Variants in RBFOX1 observed in about 807,000 individuals in gnomAD.
RBFOX1 encodes the protein RNA binding fox-1 homolog 1, also known as RNA binding protein fox-1 homolog 1.
A neutral mutation model predicts 57.7 loss-of-function variants in RBFOX1; 8 were observed. The ratio of observed to expected loss-of-function variants is 0.14; its 90% CI spans 0.08 to 0.25. The LOEUF is 0.25. Ranked by LOEUF, RBFOX1 falls within the 10% of genes least tolerant of loss-of-function variation. RBFOX1 has a pLI of 1.00. For synonymous variants in RBFOX1, 326 were observed against 222.4 expected (o/e 1.47, Z -4.15); for missense variants, 611 against 548.5 (o/e 1.11, Z -1.14).
chr16:6,853,528 T>C (rs1295016445), intron 3 of RBFOX1, among the ~76,000 whole-genome samples: 1 of 151,964 alleles, frequency 6.6e-6, no homozygotes, highest in Admixed American at 6.6e-5. Context: ...ACTCTGACAG[T>C]GGTAGATGCT....
chr16:7,027,474 C>A (rs989744100), intron 3 of RBFOX1, among the ~76,000 whole-genome samples: 1 of 151,858 alleles, frequency 6.6e-6, no homozygotes, highest in African/African-American at 2.4e-5. Context: ...AGGTAACTTG[C>A]CCAAGGTCAG....
intron 2 of RBFOX1, among the ~76,000 whole-genome samples, chr16:6,581,136 C>T (rs749944642): frequency 4.6e-5 from 7 of 152,220 alleles, no homozygotes; most frequent in East Asian, 1.9e-4. Context: ...GGTAGGTCCA[C>T]GTGGGACAAC....
intron 1 of RBFOX1, among the ~76,000 whole-genome samples, chr16:5,440,682 A>G (rs977101826): frequency 2.0e-5 from 3 of 152,156 alleles, no homozygotes; most frequent in African/African-American, 7.2e-5. Flanking sequence ...CCACATGACA[A>G]ATGAATCCCC....
At chr16:6,516,524 C>G (rs929934159) in intron 2 of RBFOX1, among the ~76,000 whole-genome samples, 5 of 152,166 alleles carry the variant, frequency 3.3e-5, no homozygotes, top group Non-Finnish European at 1.5e-5. Context: ...AAAAACTCCT[C>G]AAACATAAGG....
intron 2 of RBFOX1, among the ~76,000 whole-genome samples, chr16:6,334,655 A>G (rs766119364): frequency 6.6e-6 from 1 of 152,170 alleles, no homozygotes; most frequent in Non-Finnish European, 1.5e-5. Flanking sequence ...TGAGTGAAAT[A>G]AGACAGAGGA....
chr16:6,804,789 C>T (rs1281367472), intron 3 of RBFOX1, among the ~76,000 whole-genome samples: 2 of 152,118 alleles, frequency 1.3e-5, no homozygotes, highest in African/African-American at 2.4e-5. Context: ...TACTCTATTG[C>T]CAAGTATGTG....
chr16:6,718,474 AC>A (rs1299853121), intron 3 of RBFOX1, among the ~76,000 whole-genome samples: 1 of 151,452 alleles, frequency 6.6e-6, no homozygotes, highest in African/African-American at 2.5e-5. Context: ...ATAGGTGTTC[AC>A]GGTTGGACAG....
intron 3 of RBFOX1, among the ~76,000 whole-genome samples, chr16:6,757,033 C>G (rs568749586): frequency 5.6e-5 from 1 of 17,716 alleles, no homozygotes; most frequent in Admixed American, 1.2e-3. Context: ...AAATGGCCAA[C>G]AGGTATAAAA....
intron 4 of RBFOX1, among the ~76,000 whole-genome samples, chr16:7,488,780 C>G (rs1330215948): frequency 6.6e-6 from 1 of 152,176 alleles, no homozygotes; most frequent in East Asian, 1.9e-4. Context: ...ATGTATACAT[C>G]TATCTATACA....
intron 3 of RBFOX1, among the ~76,000 whole-genome samples, chr16:6,960,006 C>A (rs1311533845): frequency 6.6e-6 from 1 of 152,080 alleles, no homozygotes; most frequent in South Asian, 2.1e-4. Flanking sequence ...GTAACAAAAA[C>A]CCCCCAAGAG....
chr16:7,075,507 A>C (rs1157689584), intron 4 of RBFOX1, among the ~76,000 whole-genome samples: 1 of 152,232 alleles, frequency 6.6e-6, no homozygotes, highest in East Asian at 1.9e-4. Context: ...TTCTCTTTAA[A>C]ACAATAAGTA....
At chr16:6,925,903 CTATT>C (rs988971217) in intron 3 of RBFOX1, among the ~76,000 whole-genome samples, 12 of 152,126 alleles carry the variant, frequency 7.9e-5, no homozygotes, top group Admixed American at 3.9e-4. Context: ...GTTTTATCAT[CTATT>C]TATTTATTTA....
intron 3 of RBFOX1, among the ~76,000 whole-genome samples, chr16:5,847,310 C>T (rs1342591999): frequency 6.7e-6 from 1 of 149,878 alleles, no homozygotes; most frequent in African/African-American, 2.5e-5. Flanking sequence ...TTTGCATGAC[C>T]TTGGGCAAGC....
At chr16:7,190,701 C>T (rs1221780271) in intron 4 of RBFOX1, among the ~76,000 whole-genome samples, 4 of 148,950 alleles carry the variant, frequency 2.7e-5, no homozygotes, top group East Asian at 2.2e-4. Context: ...ATTCCATCAA[C>T]AAACAGATCC....
chr16:6,361,722 A>G (rs80064445), intron 2 of RBFOX1, among the ~76,000 whole-genome samples: 3,928 of 151,988 alleles, frequency 0.026, 170 homozygotes, highest in African/African-American at 0.088. Context: ...TTATCTTTAT[A>G]CCAATTGAAT....
intron 1 of RBFOX1, among the ~76,000 whole-genome samples, chr16:5,313,688 A>G (rs1263453768): frequency 6.6e-6 from 1 of 151,626 alleles, no homozygotes; most frequent in Admixed American, 6.6e-5. Flanking sequence ...GTGTAGGGGA[A>G]CTCCTCTTTT....
Position 6,242,335 on chromosome 16 carries a change from A to G in RBFOX1, c.-126-74660A>G, listed in dbSNP as rs574429614. Among the ~76,000 whole-genome samples the G allele has an allele frequency of 2.7e-4, 41 of 152,226 alleles. No homozygotes were observed. The South Asian group carries it at 8.1e-3, about 30-fold the overall frequency. ...ATGATCTTTCCCTATCAGCCTGTATAGGTCTATGGTCTATTGCATTCTGCT... is the reference window on the plus strand; with the variant it reads ...ATGATCTTTCCCTATCAGCCTGTATGGGTCTATGGTCTATTGCATTCTGCT... On this transcript the variant is annotated intron_variant, in intron 1 of 15. Coordinates refer to ENST00000550418, the MANE Select transcript of RBFOX1 (RefSeq NM_018723.4).
chr16:6,896,849 A>G (rs1027359936), intron 3 of RBFOX1, among the ~76,000 whole-genome samples: 2 of 152,220 alleles, frequency 1.3e-5, no homozygotes, highest in African/African-American at 4.8e-5. Context: ...CAGGTAATAT[A>G]AAAATCAGTG....
chr16:7,283,535 C>A (rs544632336), intron 4 of RBFOX1, among the ~76,000 whole-genome samples: 1 of 152,070 alleles, frequency 6.6e-6, no homozygotes, highest in Non-Finnish European at 1.5e-5. Flanking sequence ...CACCTCCCCT[C>A]TGTGTTGGCC....
Sources: gnomAD v4.1 joint callset for allele counts (sites outside exome capture counted in the v4.1 genomes callset) on GRCh38, gnomAD v4.1.1 for gene constraint, MANE v1.5 for transcripts, NCBI Gene and HGNC (gene_info 2026-07-23, HGNC 2026-07-21) for gene names.